Variants in MOGAT2 observed in about 807,000 individuals in gnomAD.
The protein encoded by MOGAT2 is 2-acylglycerol O-acyltransferase 2.
In MOGAT2, 27 loss-of-function variants were observed where a neutral mutation model predicts 31.5. That is an observed-to-expected ratio of 0.86 (90% CI 0.63 to 1.18). The LOEUF is 1.18. MOGAT2 is among the 50% of genes most tolerant of loss of function. MOGAT2 has a pLI of 0.00. For synonymous variants in MOGAT2, 163 were observed against 170.0 expected, an observed-to-expected ratio of 0.96 and a Z score of 0.32; for missense variants, 436 against 433.2, an observed-to-expected ratio of 1.01 and a Z score of -0.06.
At chr11:75,724,631 C>T (rs192865532) in intron 2 of MOGAT2, among the ~76,000 whole-genome samples, 40 of 151,864 alleles carry the variant, frequency 2.6e-4, no homozygotes, top group Middle Eastern at 3.4e-3. Flanking sequence ...CATTGCACTC[C>T]AGCCTGGGTG....
intron 4 of MOGAT2, chr11:75,728,515 A>G (rs1325972170): frequency 1.8e-6 from 1 of 561,964 alleles, no homozygotes. Flanking sequence ...AGGAAAAACA[A>G]TGCAGATTTT....
chr11:75,723,739 G>A (rs554084991), intron 2 of MOGAT2, among the ~76,000 whole-genome samples: 2 of 152,266 alleles, frequency 1.3e-5, no homozygotes, highest in South Asian at 4.1e-4. Flanking sequence ...TTAAACGGAT[G>A]CATTTTATGG....
Position 75,731,161 on chromosome 11 carries a change from C to G in MOGAT2, c.880C>G (p.Leu294Val), listed in dbSNP as rs770651932. The G allele has an allele frequency of 1.9e-6, 3 of 1,614,088 alleles. No individual in the cohort carries two copies. The change falls in exon 6 of 6, where the codon CTG becomes GTG. Residue 294 changes from leucine (L) to valine (V), a missense_variant. Physicochemically the swap from Leu to Val is conservative, Grantham distance 32 (BLOSUM62 1). Coordinates refer to ENST00000198801, the MANE Select transcript of MOGAT2 (RefSeq NM_025098.4). ...VGKPIEVQKTLHPSEEEVNQL... is the reference protein window; with the variant it reads ...VGKPIEVQKTVHPSEEEVNQL... Reference sequence around the variant, plus strand: ...GAAGCCCATCGAGGTACAGAAGACGCTGCATCCCTCGGAGGAGGAGGTGAA... The same window carrying G: ...GAAGCCCATCGAGGTACAGAAGACGGTGCATCCCTCGGAGGAGGAGGTGAA...
rs912593084 is a variant in MOGAT2 at position 75,732,852 on chromosome 11, G to C, written c.*1566G>C. 2 of 152,234 alleles carry C rather than the reference G, an allele frequency of 1.3e-5. No homozygotes were observed. Among genetic ancestry groups the C allele is most frequent in the African/African-American group, 4.8e-5 (2 of 41,430 alleles). The allele number at this position is 152,234 out of a possible 1,614,324, so 9.4% of individuals were successfully genotyped here. ...CCTGGGGAGGAGGTGTTGCTGTCCAGGTAAATGCTGCGCCAATGCCCCTGC... is the reference window on the plus strand; with the variant it reads ...CCTGGGGAGGAGGTGTTGCTGTCCACGTAAATGCTGCGCCAATGCCCCTGC... On this transcript the variant is annotated 3_prime_UTR_variant, in exon 6 of 6. Transcript: ENST00000198801.
At position 75,720,146 on chromosome 11, in the gene MOGAT2, C is replaced by T. The variant is rs754472160; in HGVS notation, c.246C>T (p.Tyr82=). ...QAIRCWTIWK[Y]MKDYFPISLV... is the part of the protein sequence containing the mutation. Reference sequence around the variant, plus strand: ...TCAGGTGCTGGACTATATGGAAGTACATGAAGGACTATTTCCCCATCTCGG... The same window carrying T: ...TCAGGTGCTGGACTATATGGAAGTATATGAAGGACTATTTCCCCATCTCGG... Residue 82 remains tyrosine, a synonymous_variant, in exon 2 of 6, where the codon TAC becomes TAT. Transcript: ENST00000198801. 11 of 1,613,538 alleles carry T rather than the reference C, an allele frequency of 6.8e-6. No individual in the cohort carries two copies. In the East Asian group the frequency reaches 1.1e-4, roughly 16 times the overall value.
At chr11:75,729,645 C>A (rs529358650) in intron 5 of MOGAT2, among the ~76,000 whole-genome samples, 7 of 151,870 alleles carry the variant, frequency 4.6e-5, no homozygotes, top group African/African-American at 1.7e-4. Flanking sequence ...AGTTAAGTAA[C>A]TTCCAAAATA....
At chr11:75,729,598 A>G (rs529781418) in intron 5 of MOGAT2, among the ~76,000 whole-genome samples, 215 of 151,984 alleles carry the variant, frequency 1.4e-3, no homozygotes, top group Middle Eastern at 3.4e-3. Context: ...AGGAGTTACT[A>G]TCCCCATTTC....
chr11:75,727,366 C>G (rs530401237), intron 2 of MOGAT2, 69 bp from the exon 3 acceptor site: 1 of 1,485,680 alleles, frequency 6.7e-7, no homozygotes, highest in East Asian at 2.3e-5. Context: ...CAAGGTCACA[C>G]CAGTGAGTGG....
rs766044529 is a variant in MOGAT2 at position 75,717,865 on chromosome 11, C to T, written c.-24C>T. 33 of 1,610,318 alleles carry T rather than the reference C, an allele frequency of 2.0e-5. 1 individual carries two copies. The highest frequency in any genetic ancestry group is 1.5e-4 in the South Asian group (14 of 90,668). ...ACCACAGCAGAGCTCACAGAACCTGCGGGAGCCAGGCTGACCCGCCAGCAT... is the reference window on the plus strand; with the variant it reads ...ACCACAGCAGAGCTCACAGAACCTGTGGGAGCCAGGCTGACCCGCCAGCAT... On this transcript the variant is annotated 5_prime_UTR_variant, in exon 1 of 6. Transcript: ENST00000198801.
intron 5 of MOGAT2, 43 bp downstream of exon 5, chr11:75,729,032 A>G (rs1394021529): frequency 4.4e-6 from 7 of 1,596,646 alleles, no homozygotes; most frequent in Non-Finnish European, 6.0e-6. Context: ...CCAAAGGGAC[A>G]GGGCAGGTTG....
rs542805407 is a variant in MOGAT2 at position 75,721,408 on chromosome 11, G to A, written c.270+1238G>A. On this transcript the variant is annotated intron_variant, in intron 2 of 5. Transcript: ENST00000198801. ...AGCAATTCTCCTACCTCAGCCTCCC[G>A]TGTAGCTGGGGCTACAGGTGCCGGC... 9.4e-4 allele frequency among the ~76,000 whole-genome samples: 143 copies of A among 152,130 alleles called. 1 individual carries two copies. Among genetic ancestry groups the A allele is most frequent in the Non-Finnish European group, 1.3e-3 (85 of 67,996 alleles).
chr11:75,718,687 G>A (rs1467402495), intron 1 of MOGAT2, among the ~76,000 whole-genome samples: 1 of 152,176 alleles, frequency 6.6e-6, no homozygotes, highest in Non-Finnish European at 1.5e-5. Context: ...CATGAGCATG[G>A]CCCCTTACCC....
chr11:75,727,338 C>A, intron 2 of MOGAT2, 97 bp from the exon 3 acceptor site: 1 of 1,145,124 alleles, frequency 8.7e-7, no homozygotes, highest in Non-Finnish European at 1.2e-6. Flanking sequence ...GACCTGGAGG[C>A]TCAGAGGGGA....
At chr11:75,727,840 G>T in intron 3 of MOGAT2, 130 bp from the exon 4 acceptor site, 2 of 1,084,282 alleles carry the variant, frequency 1.8e-6, no homozygotes, top group Non-Finnish European at 2.6e-6. Flanking sequence ...CTCCTAGCTG[G>T]AATGGGGTGC....
Position 75,717,939 on chromosome 11 carries a change from A to G in MOGAT2, c.51A>G (p.Thr17=). 1 of 1,614,242 alleles carries G rather than the reference A, an allele frequency of 6.2e-7. No individual in the cohort carries two copies. The highest frequency in any genetic ancestry group is 8.5e-7 in the Non-Finnish European group (1 of 1,180,030). The change falls in exon 1 of 6, where the codon ACA becomes ACG. Residue 17 remains threonine, a synonymous_variant. Transcript: ENST00000198801. The stretch of plus-strand genomic sequence containing the variant: ...TGCCGTGGGAGCGCAGGCTGCAGAC[A>G]CTTGCTGTCCTACAGTTTGTCTTCT... ...LFMPWERRLQ[T]LAVLQFVFSF... is the part of the protein sequence containing the mutation.
In MOGAT2 at chr11:75,731,357, T is replaced by C. The variant is rs531114108; in HGVS notation, c.*71T>C. On this transcript the variant is annotated 3_prime_UTR_variant, in exon 6 of 6. Coordinates refer to ENST00000198801, the MANE Select transcript of MOGAT2 (RefSeq NM_025098.4). ...GTGCTGAGAAGACTTCCTGGAGGTG[T>C]TTGTTGAACATATCTGCAGAGCCTT... 2.6e-6 allele frequency: 4 copies of C among 1,532,538 alleles called. No homozygotes were observed. The highest frequency in any genetic ancestry group is 1.7e-5 in the African/African-American group (1 of 59,462). 94.9% of individuals were successfully genotyped at this position (1,532,538 alleles called of 1,614,324 possible).
intron 2 of MOGAT2, among the ~76,000 whole-genome samples, chr11:75,720,751 G>A (rs372681636): frequency 6.6e-6 from 1 of 152,050 alleles, no homozygotes; most frequent in African/African-American, 2.4e-5. Context: ...ATCCTGTTCT[G>A]AGGCTCAGTC....
In MOGAT2 at chr11:75,728,884, C is replaced by T. The variant is rs576205474; in HGVS notation, c.745C>T (p.Arg249Trp). ...SGSWLRYIQNRLQKIMGISLP... is the reference protein window; with the variant it reads ...SGSWLRYIQNWLQKIMGISLP... ...CTCCTGGTTACGCTATATCCAGAAT[C>T]GGTTGCAGAAGATCATGGGCATCTC... is the stretch of plus-strand genomic sequence containing the variant. Residue 249 changes from arginine to tryptophan, a missense_variant, in exon 5 of 6, where the codon CGG (arginine) becomes TGG (tryptophan). By Grantham distance (101) the Arg-to-Trp change is moderately radical (BLOSUM62 -3). Coordinates refer to ENST00000198801, the MANE Select transcript of MOGAT2 (RefSeq NM_025098.4). The T allele has an allele frequency of 9.9e-5, 159 of 1,614,170 alleles. No individual in the cohort carries two copies. The Middle Eastern group carries it at 9.9e-4, about 10-fold the overall frequency.
chr11:75,719,243 TG>T (rs1440540249), intron 1 of MOGAT2: 10 of 152,410 alleles, frequency 6.6e-5, no homozygotes, highest in Admixed American at 2.6e-4. Flanking sequence ...ACACTAGGCC[TG>T]GTCTTAGCCC....
Sources: allele counts gnomAD v4.1 joint callset (sites outside exome capture counted in the v4.1 genomes callset), GRCh38; gene constraint gnomAD v4.1.1; transcripts MANE v1.5; gene names NCBI Gene and HGNC (gene_info 2026-07-23, HGNC 2026-07-21).